Variants in MAGI1 observed in about 807,000 individuals in gnomAD.
MAGI1 encodes membrane-associated guanylate kinase, WW and PDZ domain-containing protein 1.
MAGI1 carries 58 observed loss-of-function variants against 139.9 expected under a neutral mutation model. The observed-to-expected ratio is 0.41, with a 90% CI of 0.34 to 0.52. The LOEUF (loss-of-function observed/expected upper bound fraction) is 0.52, where lower values mean the gene tolerates loss of function less well. MAGI1 is among the 20% of genes least tolerant of loss of function. The probability of loss-of-function intolerance (pLI) is 0.12; values close to 1 mark genes in which losing one functional copy is unlikely to be tolerated. For missense variants in MAGI1, 1,874 were observed against 1,901.6 expected, an observed-to-expected ratio of 0.99 and a Z score of 0.27; for synonymous variants, 812 against 737.9, an observed-to-expected ratio of 1.10 and a Z score of -1.63.
At chr3:65,643,474 T>A (rs2107257325) in intron 1 of MAGI1, among the ~76,000 whole-genome samples, 1 of 152,230 alleles carries the variant, frequency 6.6e-6, no homozygotes, top group Middle Eastern at 3.4e-3. Flanking sequence ...AGTACAACTA[T>A]AGGCCTTGGA....
intron 1 of MAGI1, among the ~76,000 whole-genome samples, chr3:65,785,858 A>G (rs1299735643): frequency 6.6e-6 from 1 of 152,156 alleles, no homozygotes; most frequent in Non-Finnish European, 1.5e-5. Context: ...GTTCACAGAG[A>G]CATTGTGTGA....
intron 2 of MAGI1, among the ~76,000 whole-genome samples, chr3:65,563,910 G>C (rs1402364793): frequency 6.6e-6 from 1 of 152,160 alleles, no homozygotes. Flanking sequence ...ATGGTTACAA[G>C]CCTTCACAGT....
In MAGI1 at chr3:65,798,240, C is replaced by T. The variant is rs191822408; in HGVS notation, c.314-176152G>A. Among the ~76,000 whole-genome samples, 17 of 151,114 alleles carry T rather than the reference C, an allele frequency of 1.1e-4. No individual in the cohort carries two copies. In the East Asian group the frequency reaches 3.0e-3, roughly 26 times the overall value. ...AATCACTTGAACCCGGGAGACGGAG[C>T]TTGCCGTGAGCCGAGATCACACCAC... On this transcript the variant is annotated intron_variant, in intron 1 of 22. Coordinates refer to ENST00000402939, the MANE Select transcript of MAGI1 (RefSeq NM_001033057.2).
At chr3:65,863,161 C>T (rs926902568) in intron 1 of MAGI1, among the ~76,000 whole-genome samples, 19 of 152,182 alleles carry the variant, frequency 1.2e-4, no homozygotes, top group African/African-American at 2.9e-4. Flanking sequence ...TGACAAAATT[C>T]GGATCAATCT....
At chr3:65,852,168 G>A (rs925154312) in intron 1 of MAGI1, among the ~76,000 whole-genome samples, 1 of 152,174 alleles carries the variant, frequency 6.6e-6, no homozygotes, top group Non-Finnish European at 1.5e-5. Context: ...ACCTATATCT[G>A]TCCTCCTTGG....
intron 1 of MAGI1, among the ~76,000 whole-genome samples, chr3:65,706,022 G>A (rs1367163488): frequency 2.0e-5 from 3 of 152,210 alleles, no homozygotes; most frequent in African/African-American, 4.8e-5. Context: ...CAAACTGACT[G>A]TATTTGTGAG....
At chr3:65,730,694 C>T (rs72906200) in intron 1 of MAGI1, among the ~76,000 whole-genome samples, 2,073 of 152,276 alleles carry the variant, frequency 0.014, 37 homozygotes, top group African/African-American at 0.04. Flanking sequence ...GGGAGAGATG[C>T]TACTGAGGAG....
intron 2 of MAGI1, among the ~76,000 whole-genome samples, chr3:65,502,131 C>T (rs969966934): frequency 2.0e-5 from 3 of 152,174 alleles, no homozygotes; most frequent in Non-Finnish European, 4.4e-5. Flanking sequence ...CCATAGCGCA[C>T]ACCACGAATG....
At chr3:65,532,365 C>A (rs998835982) in intron 2 of MAGI1, among the ~76,000 whole-genome samples, 2 of 152,178 alleles carry the variant, frequency 1.3e-5, no homozygotes, top group African/African-American at 4.8e-5. Flanking sequence ...GCATGGACTG[C>A]GACTTAATCT....
chr3:65,787,555 G>A (rs2039481204), intron 1 of MAGI1, among the ~76,000 whole-genome samples: 1 of 149,356 alleles, frequency 6.7e-6, no homozygotes, highest in Non-Finnish European at 1.5e-5. Context: ...CCGTGTAACT[G>A]AGGGCTATAC....
Position 65,681,838 on chromosome 3 carries a change from A to G in MAGI1, c.314-59750T>C, listed in dbSNP as rs76082163. Among the ~76,000 whole-genome samples, 849 of 152,322 alleles carry G rather than the reference A, an allele frequency of 5.6e-3. 4 individuals carry two copies. The highest frequency in any genetic ancestry group is 0.019 in the African/African-American group (778 of 41,572). ...ACAAGTTCACAGCAAGATGTTTAAT[A>G]AGAGTTTTGGCTTTTTTTGTTTTTT... is the stretch of plus-strand genomic sequence containing the variant. On this transcript the variant is annotated intron_variant, in intron 1 of 22. Transcript: ENST00000402939.
intron 1 of MAGI1, among the ~76,000 whole-genome samples, chr3:66,008,386 A>G (rs17822535): frequency 0.043 from 6,578 of 152,246 alleles, 192 homozygotes; most frequent in South Asian, 0.086. Flanking sequence ...GAGAGATTTC[A>G]ATCTTTTCCT....
At chr3:65,359,141 G>T (rs1223500806) in intron 22 of MAGI1, 1 of 1,613,714 alleles carries the variant, frequency 6.2e-7, no homozygotes, top group Non-Finnish European at 8.5e-7. Flanking sequence ...GCGATATTAG[G>T]AGGTATCATC....
chr3:65,700,980 C>T (rs937710051), intron 1 of MAGI1, among the ~76,000 whole-genome samples: 19 of 152,138 alleles, frequency 1.2e-4, no homozygotes, highest in African/African-American at 4.1e-4. Flanking sequence ...CTTATTCAAC[C>T]GCCCCTTTTT....
chr3:65,368,772 T>C (rs1297969289), intron 18 of MAGI1, among the ~76,000 whole-genome samples: 1 of 152,240 alleles, frequency 6.6e-6, no homozygotes, highest in Non-Finnish European at 1.5e-5. Context: ...ATCTATATGT[T>C]GCCAAGCTCT....
At chr3:65,694,824 A>G (rs888630892) in intron 1 of MAGI1, among the ~76,000 whole-genome samples, 2 of 152,304 alleles carry the variant, frequency 1.3e-5, no homozygotes, top group Admixed American at 6.5e-5. Flanking sequence ...CCATAACAAA[A>G]TACTGCAATC....
At chr3:65,393,557 T>C (rs1286458094) in intron 13 of MAGI1, among the ~76,000 whole-genome samples, 31 of 152,316 alleles carry the variant, frequency 2.0e-4, no homozygotes, top group Non-Finnish European at 1.5e-5. Context: ...ATTTTAGTAA[T>C]GTTTTACTTT....
intron 1 of MAGI1, among the ~76,000 whole-genome samples, chr3:65,947,938 C>CTTTTTT (rs763826259): frequency 7.8e-6 from 1 of 127,876 alleles, no homozygotes; most frequent in Non-Finnish European, 1.7e-5. Context: ...ATATCTTTCT[C>CTTTTTT]TTTTTTTTTT....
rs1665096073 is a variant in MAGI1 at position 65,926,330 on chromosome 3, T to TCC, written c.313+111665_313+111666insGG. On this transcript the variant is annotated intron_variant, in intron 1 of 22. Transcript: ENST00000402939. Reference sequence around the variant, plus strand: ...GATCCAAGACTGAAGTCTTCTTTTCTCTCTCTCTCTCTCTCTCTCTCTCTC... The same window carrying TCC: ...GATCCAAGACTGAAGTCTTCTTTTCTCCCTCTCTCTCTCTCTCTCTCTCTCTC... Among the ~76,000 whole-genome samples, 4 of 123,708 alleles carry TCC rather than the reference T, an allele frequency of 3.2e-5. No individual in the cohort carries two copies. The South Asian group carries it at 9.8e-4, about 30-fold the overall frequency. The allele number at this position is 123,708 out of a possible 152,430, so 81.2% of individuals were successfully genotyped here.
Sources: gnomAD v4.1 joint callset for allele counts (sites outside exome capture counted in the v4.1 genomes callset) on GRCh38, gnomAD v4.1.1 for gene constraint, MANE v1.5 for transcripts, NCBI Gene and HGNC (gene_info 2026-07-23, HGNC 2026-07-21) for gene names.